The following ROBO2 variants were observed in gnomAD, a reference collection of about 807,000 sequenced individuals.
The protein encoded by ROBO2 is roundabout guidance receptor 2, also known as roundabout homolog 2.
ROBO2 carries 53 observed loss-of-function variants against 160.8 expected under a neutral mutation model. The ratio of observed to expected loss-of-function variants is 0.33; its 90% CI spans 0.26 to 0.41. ROBO2 has a LOEUF of 0.41. Among genes scored for constraint, ROBO2 ranks in the 10% least tolerant of loss-of-function variants. The pLI is 1.00. For missense variants in ROBO2, 1,577 were observed against 1,722.4 expected (o/e 0.92, Z 1.49); for synonymous variants, 664 against 611.7 (o/e 1.09, Z -1.26).
chr3:76,396,286 A>G (rs2077443210), intron 2 of ROBO2, among the ~76,000 whole-genome samples: 1 of 152,190 alleles, frequency 6.6e-6, no homozygotes, highest in Non-Finnish European at 1.5e-5. Context: ...CTCATGCTAA[A>G]AACTCTCAAT....
chr3:76,640,554 T>TAAATAAATA (rs1385757237), intron 2 of ROBO2, among the ~76,000 whole-genome samples: 1 of 137,920 alleles, frequency 7.3e-6, no homozygotes, highest in Non-Finnish European at 1.5e-5. Context: ...AATAAATAAA[T>TAAATAAATA]AAATAAATAA....
chr3:76,689,046 A>G (rs1478703447), intron 2 of ROBO2, among the ~76,000 whole-genome samples: 1 of 152,106 alleles, frequency 6.6e-6, no homozygotes, highest in Non-Finnish European at 1.5e-5. Flanking sequence ...TGATTGAAAA[A>G]TAATACATAA....
At chr3:76,681,343 G>C (rs1176805826) in intron 2 of ROBO2, among the ~76,000 whole-genome samples, 1 of 152,062 alleles carries the variant, frequency 6.6e-6, no homozygotes, top group East Asian at 1.9e-4. Context: ...ATTTTTGCAG[G>C]CTTACCATAC....
intron 6 of ROBO2, among the ~76,000 whole-genome samples, chr3:77,525,853 G>A (rs1446097218): frequency 6.7e-6 from 1 of 148,912 alleles, no homozygotes; most frequent in African/African-American, 2.5e-5. Context: ...GAAACATTAT[G>A]TTTTAAATTC....
At chr3:76,824,582 T>C (rs2066408189) in intron 2 of ROBO2, among the ~76,000 whole-genome samples, 2 of 152,268 alleles carry the variant, frequency 1.3e-5, no homozygotes, top group Non-Finnish European at 2.9e-5. Context: ...CCATCTTGAA[T>C]ATTTTAACTG....
chr3:77,376,614 C>T (rs2072711947), intron 2 of ROBO2, among the ~76,000 whole-genome samples: 1 of 152,134 alleles, frequency 6.6e-6, no homozygotes, highest in African/African-American at 2.4e-5. Flanking sequence ...TCCCTTTTCT[C>T]CCTAGGTTGG....
At chr3:76,084,791 G>T (rs1223424171) in intron 2 of ROBO2, among the ~76,000 whole-genome samples, 1 of 151,988 alleles carries the variant, frequency 6.6e-6, no homozygotes, top group African/African-American at 2.4e-5. Flanking sequence ...CATTAATAAT[G>T]GTCCTTGCTG....
intron 2 of ROBO2, among the ~76,000 whole-genome samples, chr3:76,551,261 G>T (rs1351055795): frequency 6.6e-6 from 1 of 152,176 alleles, no homozygotes; most frequent in African/African-American, 2.4e-5. Flanking sequence ...TCGTAAGAAC[G>T]ACCTGCCTGA....
chr3:77,332,423 G>A (rs1033509647), intron 2 of ROBO2, among the ~76,000 whole-genome samples: 8 of 152,136 alleles, frequency 5.3e-5, no homozygotes, highest in Non-Finnish European at 1.2e-4. Context: ...GTATTATGGG[G>A]TGTGTGGTTA....
chr3:77,598,885 T>C (rs1167812248), intron 19 of ROBO2, among the ~76,000 whole-genome samples: 7 of 152,204 alleles, frequency 4.6e-5, no homozygotes, highest in African/African-American at 1.7e-4. Context: ...CTCTTTTACC[T>C]CTTGTATTTT....
At chr3:77,031,719 A>G (rs2063339068) in intron 2 of ROBO2, among the ~76,000 whole-genome samples, 1 of 147,458 alleles carries the variant, frequency 6.8e-6, no homozygotes, top group Non-Finnish European at 1.5e-5. Flanking sequence ...TAATTATATT[A>G]TTATATATAA....
chr3:77,266,335 G>A (rs2059122652), intron 2 of ROBO2, among the ~76,000 whole-genome samples: 1 of 151,864 alleles, frequency 6.6e-6, no homozygotes, highest in African/African-American at 2.4e-5. Context: ...CCACCTTTAA[G>A]TTTCAGGGCT....
intron 2 of ROBO2, among the ~76,000 whole-genome samples, chr3:77,201,941 G>C (rs1439867371): frequency 6.6e-6 from 1 of 151,812 alleles, no homozygotes; most frequent in Non-Finnish European, 1.5e-5. Context: ...GTGGCCTAAT[G>C]GGTTTTACTA....
intron 2 of ROBO2, among the ~76,000 whole-genome samples, chr3:76,368,591 A>T (rs545361364): frequency 6.6e-6 from 1 of 152,082 alleles, no homozygotes; most frequent in East Asian, 1.9e-4. Flanking sequence ...GAGCATTTAG[A>T]CATCTCACAT....
At chr3:76,752,345 G>A (rs1469068652) in intron 2 of ROBO2, among the ~76,000 whole-genome samples, 1 of 151,416 alleles carries the variant, frequency 6.6e-6, no homozygotes, top group Non-Finnish European at 1.5e-5. Flanking sequence ...GTTAAATGAC[G>A]AGTTAGTGGG....
chr3:76,060,089 A>G (rs1385078435), intron 2 of ROBO2, among the ~76,000 whole-genome samples: 4 of 140,166 alleles, frequency 2.9e-5, no homozygotes. Context: ...GTGATTTCCA[A>G]CAGAATCAGC....
At chr3:75,948,856 T>C (rs927410309) in intron 2 of ROBO2, among the ~76,000 whole-genome samples, 14 of 152,304 alleles carry the variant, frequency 9.2e-5, no homozygotes, top group Non-Finnish European at 1.0e-4. Flanking sequence ...TTTAATTATC[T>C]GCAAACACCT....
intron 2 of ROBO2, among the ~76,000 whole-genome samples, chr3:76,220,571 T>C (rs994255492): frequency 1.3e-5 from 2 of 152,122 alleles, no homozygotes; most frequent in African/African-American, 2.4e-5. Flanking sequence ...CTTCCCAGCC[T>C]CCAAAACTGT....
intron 1 of ROBO2, among the ~76,000 whole-genome samples, chr3:75,915,966 A>T (rs1946794013): frequency 6.6e-6 from 1 of 152,202 alleles, no homozygotes; most frequent in African/African-American, 2.4e-5. Flanking sequence ...CACTTATAAA[A>T]ACAGTATTTC....
Sources: allele counts gnomAD v4.1 joint callset (sites outside exome capture counted in the v4.1 genomes callset), GRCh38; gene constraint gnomAD v4.1.1; transcripts MANE v1.5; gene names NCBI Gene and HGNC (gene_info 2026-07-23, HGNC 2026-07-21).